Variants in POR observed in about 807,000 individuals in gnomAD.
POR encodes the protein NADPH--cytochrome P450 reductase.
Under a neutral mutation model 84.0 loss-of-function variants are expected in POR, and 56 were observed. That is an observed-to-expected ratio of 0.67 (90% CI 0.54 to 0.83). POR has a LOEUF of 0.83. Among genes scored for constraint, POR ranks in the 40% least tolerant of loss-of-function variants. The pLI is 0.00. For missense variants in POR, 938 were observed against 944.3 expected (o/e 0.99, Z 0.09); for synonymous variants, 414 against 400.5 (o/e 1.03, Z -0.40).
At chr7:75,957,881 A>G (rs972215087) in intron 2 of POR, among the ~76,000 whole-genome samples, 2 of 152,170 alleles carry the variant, frequency 1.3e-5, no homozygotes, top group African/African-American at 2.4e-5. Flanking sequence ...TTCTAGTACC[A>G]TGGCTACATT....
chr7:75,967,442 C>T (rs2116502448), intron 2 of POR, among the ~76,000 whole-genome samples: 2 of 152,254 alleles, frequency 1.3e-5, no homozygotes, highest in South Asian at 4.1e-4. Context: ...TTCCCGCTGA[C>T]ATGGACCCAG....
intron 1 of POR, among the ~76,000 whole-genome samples, chr7:75,921,748 C>T (rs568638828): frequency 6.6e-6 from 1 of 152,114 alleles, no homozygotes; most frequent in South Asian, 2.1e-4. Flanking sequence ...TTTCTCTTCG[C>T]CCAGACTGGA....
rs1379294554 is a variant in POR at position 75,979,689 on chromosome 7, G to A, written c.366+110G>A. 9 of 1,465,878 alleles carry A rather than the reference G, an allele frequency of 6.1e-6. No individual in the cohort carries two copies. In the East Asian group the frequency reaches 2.1e-4, roughly 34 times the overall value. 90.8% of individuals were successfully genotyped at this position (1,465,878 alleles called of 1,614,324 possible). A position where few individuals can be genotyped will look rare whatever the true frequency, so the allele number is the denominator to read the frequency against. ...AGGCCGGCAGGGAGTGGGGTCCTGG[G>A]AAGACGTCCTCGGAAGTTGCCTTCC... On this transcript the variant is annotated intron_variant, in intron 4 of 15. Coordinates refer to ENST00000461988, the MANE Select transcript of POR (RefSeq NM_000941.3).
chr7:75,924,162 C>G (rs559939194), intron 1 of POR, among the ~76,000 whole-genome samples: 5 of 151,928 alleles, frequency 3.3e-5, no homozygotes, highest in Non-Finnish European at 5.9e-5. Context: ...TCCGGAGATT[C>G]CTGGGGCCTT....
intron 2 of POR, among the ~76,000 whole-genome samples, chr7:75,955,703 G>C (rs1787656523): frequency 6.6e-6 from 1 of 152,176 alleles, no homozygotes; most frequent in South Asian, 2.1e-4. Context: ...AGTCCCAGCT[G>C]CAGCCTTAGC....
chr7:75,974,906 T>C (rs1788607582), intron 3 of POR, among the ~76,000 whole-genome samples: 1 of 152,132 alleles, frequency 6.6e-6, no homozygotes, highest in South Asian at 2.1e-4. Flanking sequence ...CTCCTTGAAA[T>C]TATTAGGGAG....
chr7:75,973,479 A>C (rs1385578738), intron 3 of POR, among the ~76,000 whole-genome samples: 2 of 151,754 alleles, frequency 1.3e-5, no homozygotes, highest in African/African-American at 4.8e-5. Flanking sequence ...ACGCCTGGCT[A>C]ATTTTTTAAT....
At position 75,986,631 on chromosome 7, in the gene POR, C is replaced by T; in HGVS notation, c.*150C>T. 9.9e-7 allele frequency: 1 copy of T among 1,011,072 alleles called. No homozygotes were observed. The highest frequency in any genetic ancestry group is 1.4e-6 in the Non-Finnish European group (1 of 703,534). The allele number at this position is 1,011,072 out of a possible 1,614,324, so 62.6% of individuals were successfully genotyped here. ...TCCTCTGGGCCTGGGGTGCATCCTC[C>T]TCAGCCCCCAGGCCAGGTGAGGTCC... On this transcript the variant is annotated 3_prime_UTR_variant, in exon 16 of 16. Transcript: ENST00000461988.
In POR at chr7:75,930,435, T is replaced by C. The variant is rs554619814; in HGVS notation, c.-5+15256T>C. On this transcript the variant is annotated intron_variant, in intron 1 of 15. Coordinates refer to ENST00000461988, the MANE Select transcript of POR (RefSeq NM_000941.3). ...AGGTAGAGGTTGTGGTGACCTATGA[T>C]TGCACCACTGCACTCCAGCCTGGAC... Among the ~76,000 whole-genome samples, 6 of 152,124 alleles carry C rather than the reference T, an allele frequency of 3.9e-5. No individual in the cohort carries two copies. In the South Asian group the frequency reaches 1.2e-3, roughly 32 times the overall value.
intron 1 of POR, among the ~76,000 whole-genome samples, chr7:75,947,399 C>G (rs1787224029): frequency 6.6e-6 from 1 of 152,180 alleles, no homozygotes; most frequent in South Asian, 2.1e-4. Flanking sequence ...CCTCAGCCTC[C>G]CAAATAGCTG....
At chr7:75,949,158 G>A (rs1168264502) in intron 1 of POR, among the ~76,000 whole-genome samples, 1 of 151,924 alleles carries the variant, frequency 6.6e-6, no homozygotes, top group Non-Finnish European at 1.5e-5. Context: ...TGTTGTTGTT[G>A]TTGTTGTTGT....
At chr7:75,967,773 G>A (rs929777906) in intron 2 of POR, 7 of 301,798 alleles carry the variant, frequency 2.3e-5, no homozygotes, top group African/African-American at 1.1e-4. Flanking sequence ...GGGAGGAGGG[G>A]TGTGTGCCCG....
At chr7:75,974,596 A>G (rs1247356950) in intron 3 of POR, among the ~76,000 whole-genome samples, 3 of 133,764 alleles carry the variant, frequency 2.2e-5, no homozygotes, top group African/African-American at 8.7e-5. Flanking sequence ...GTGTGATCTC[A>G]GCTCACTGCA....
intron 6 of POR, 143 bp from the exon 7 acceptor site, chr7:75,981,374 C>G (rs1195585082): frequency 8.4e-7 from 1 of 1,195,104 alleles, no homozygotes; most frequent in African/African-American, 1.5e-5. Flanking sequence ...CTTCCTGATG[C>G]TCTGGGTTTA....
At chr7:75,979,832 C>G (rs868979282) in intron 4 of POR, 1 of 475,640 alleles carries the variant, frequency 2.1e-6, no homozygotes, top group East Asian at 4.2e-5. Flanking sequence ...TGCCGGCTGC[C>G]CTCCTGGCGG....
intron 1 of POR, among the ~76,000 whole-genome samples, chr7:75,951,071 C>CG (rs1451179004): frequency 4.1e-5 from 3 of 74,040 alleles, no homozygotes; most frequent in Non-Finnish European, 8.8e-5. Flanking sequence ...GGCCCCCCCC[C>CG]CCCCCGAAAA....
chr7:75,972,263 TG>T, intron 2 of POR, 149 bp from the exon 3 acceptor site: 2 of 708,532 alleles, frequency 2.8e-6, no homozygotes, highest in Non-Finnish European at 4.9e-6. Context: ...GCTTAGCCCC[TG>T]GGGAGTGGCA....
intron 6 of POR, 43 bp downstream of exon 6, chr7:75,981,215 G>C: frequency 1.3e-6 from 2 of 1,492,616 alleles, no homozygotes; most frequent in African/African-American, 1.4e-5. Flanking sequence ...GGCGGGCTTA[G>C]GCAGGGGCCG....
At chr7:75,986,265 T>G (rs575353267) in intron 15 of POR, 24 bp downstream of exon 15, 1 of 1,612,398 alleles carries the variant, frequency 6.2e-7, no homozygotes, top group African/African-American at 1.3e-5. Flanking sequence ...GTCACTGGAA[T>G]AGGGGGCAGG....
Sources: allele counts gnomAD v4.1 joint callset (sites outside exome capture counted in the v4.1 genomes callset), GRCh38; gene constraint gnomAD v4.1.1; transcripts MANE v1.5; gene names NCBI Gene and HGNC (gene_info 2026-07-23, HGNC 2026-07-21).